SEMA6D: variants seen among roughly 807,000 people sequenced by gnomAD.
The protein encoded by SEMA6D is semaphorin 6D, also known as semaphorin-6D.
Under a neutral mutation model 106.6 loss-of-function variants are expected in SEMA6D, and 35 were observed. The ratio of observed to expected loss-of-function variants is 0.33; its 90% CI spans 0.25 to 0.44. The LOEUF is 0.44. Ranked by LOEUF, SEMA6D falls within the 20% of genes least tolerant of loss-of-function variation. The pLI is 1.00. For synonymous variants in SEMA6D, 499 were observed against 487.7 expected (o/e 1.02, Z -0.31); for missense variants, 1,185 against 1,345.9 (o/e 0.88, Z 1.87).
At chr15:47,758,692 C>T (rs1388711170) in intron 1 of SEMA6D, among the ~76,000 whole-genome samples, 1 of 152,124 alleles carries the variant, frequency 6.6e-6, no homozygotes, top group Non-Finnish European at 1.5e-5. Context: ...TGAAGCATCA[C>T]TTCAATAAAA....
At chr15:47,589,160 G>C (rs142973133) in intron 3 of SEMA6D, among the ~76,000 whole-genome samples, 1 of 152,088 alleles carries the variant, frequency 6.6e-6, no homozygotes, top group Admixed American at 6.6e-5. Context: ...GTCCCCTCCC[G>C]GCAGGCTTCC....
At chr15:47,664,655 T>C (rs2077990865) in intron 4 of SEMA6D, among the ~76,000 whole-genome samples, 1 of 152,218 alleles carries the variant, frequency 6.6e-6, no homozygotes, top group Non-Finnish European at 1.5e-5. Context: ...GGTCCTACTT[T>C]CTGCCTCCCT....
At chr15:47,520,787 G>C (rs78442215) in intron 3 of SEMA6D, among the ~76,000 whole-genome samples, 3,731 of 152,220 alleles carry the variant, frequency 0.025, 156 homozygotes, top group African/African-American at 0.085. Context: ...TACCAGGCAC[G>C]TATGTTGGGG....
In SEMA6D at chr15:47,186,345, A is replaced by T. The variant is rs374988102; in HGVS notation, c.-239+1927A>T. Among the ~76,000 whole-genome samples the T allele has an allele frequency of 9.2e-5, 14 of 152,286 alleles. No homozygotes were observed. In the East Asian group the frequency reaches 1.7e-3, roughly 19 times the overall value. On this transcript the variant is annotated intron_variant, in intron 1 of 19. Coordinates refer to the SEMA6D transcript ENST00000558014. The stretch of plus-strand genomic sequence containing the variant: ...TGTTGAGGGTATGGAAAGCTGTATG[A>T]TTTATTCCAAGGAGAGAAGAGAGAG...
chr15:47,510,570 C>T (rs762353953), intron 3 of SEMA6D, among the ~76,000 whole-genome samples: 6 of 152,212 alleles, frequency 3.9e-5, no homozygotes, highest in Non-Finnish European at 8.8e-5. Flanking sequence ...GGATCTTGGT[C>T]TGAAGGAGTT....
chr15:47,299,500 G>C lies in SEMA6D; in HGVS notation c.-238-112893G>C, dbSNP rs528452746. On this transcript the variant is annotated intron_variant, in intron 1 of 19. Coordinates refer to the SEMA6D transcript ENST00000558014. ...AGGGAAAGTAAAGCTGATCTGCTCG[G>C]CCAATAAACAACAGTTGTTTCAGCA... Among the ~76,000 whole-genome samples the C allele has an allele frequency of 8.9e-4, 135 of 152,282 alleles. 2 individuals are homozygous for C. The highest frequency in any genetic ancestry group is 3.4e-3 in the Middle Eastern group (1 of 294).
chr15:47,549,926 A>G (rs1261899609), intron 3 of SEMA6D, among the ~76,000 whole-genome samples: 1 of 152,174 alleles, frequency 6.6e-6, no homozygotes, highest in East Asian at 1.9e-4. Flanking sequence ...CAATAGTGAC[A>G]AAGGTCATTG....
At chr15:47,263,537 T>TA (rs1260646749) in intron 1 of SEMA6D, among the ~76,000 whole-genome samples, 1 of 151,868 alleles carries the variant, frequency 6.6e-6, no homozygotes, top group African/African-American at 2.4e-5. Context: ...TATTAAAAAG[T>TA]AAAAAAATAA....
intron 2 of SEMA6D, among the ~76,000 whole-genome samples, chr15:47,422,366 C>A (rs16959446): frequency 0.049 from 7,464 of 152,004 alleles, 380 homozygotes; most frequent in East Asian, 0.23. Flanking sequence ...ACAGTTAAAA[C>A]AGATAAGTTT....
At chr15:47,292,558 A>C (rs547993370) in intron 1 of SEMA6D, among the ~76,000 whole-genome samples, 3 of 152,246 alleles carry the variant, frequency 2.0e-5, no homozygotes, top group African/African-American at 7.2e-5. Context: ...TTAACCATGG[A>C]TTTGATGAGC....
At chr15:47,249,906 A>G (rs1305500868) in intron 1 of SEMA6D, among the ~76,000 whole-genome samples, 24 of 152,160 alleles carry the variant, frequency 1.6e-4, no homozygotes, top group Admixed American at 1.6e-3. Flanking sequence ...CTATCAAACA[A>G]TTCTGGGTCA....
At chr15:47,327,744 TTC>T (rs1169187128) in intron 1 of SEMA6D, among the ~76,000 whole-genome samples, 4 of 152,176 alleles carry the variant, frequency 2.6e-5, no homozygotes, top group Non-Finnish European at 5.9e-5. Context: ...GTAGTGGTGC[TTC>T]TCTCTATGGG....
intron 3 of SEMA6D, among the ~76,000 whole-genome samples, chr15:47,501,052 A>G (rs1343714121): frequency 6.6e-6 from 1 of 152,152 alleles, no homozygotes; most frequent in Non-Finnish European, 1.5e-5. Flanking sequence ...ATTTCTAGAA[A>G]AGGCAACAGA....
intron 1 of SEMA6D, among the ~76,000 whole-genome samples, chr15:47,189,438 CTG>C (rs1893805444): frequency 6.6e-6 from 1 of 152,158 alleles, no homozygotes; most frequent in East Asian, 1.9e-4. Context: ...ACCCACAAAA[CTG>C]TACTTTTTGA....
chr15:47,520,416 C>T (rs911577185), intron 3 of SEMA6D, among the ~76,000 whole-genome samples: 1 of 152,114 alleles, frequency 6.6e-6, no homozygotes, highest in Non-Finnish European at 1.5e-5. Context: ...TTCACCACAT[C>T]GCAATTTCTC....
At chr15:47,196,695 G>A (rs1021874910) in intron 1 of SEMA6D, among the ~76,000 whole-genome samples, 7 of 152,152 alleles carry the variant, frequency 4.6e-5, no homozygotes, top group Non-Finnish European at 7.3e-5. Context: ...TTAAATCAGC[G>A]CTAAGCCCTT....
At chr15:47,476,321 A>C (rs1453790602) in intron 3 of SEMA6D, among the ~76,000 whole-genome samples, 1 of 152,200 alleles carries the variant, frequency 6.6e-6, no homozygotes, top group Non-Finnish European at 1.5e-5. Flanking sequence ...TAAGAATCCT[A>C]AGTGAACTTT....
At chr15:47,383,849 C>T (rs1036861386) in intron 1 of SEMA6D, among the ~76,000 whole-genome samples, 1 of 152,174 alleles carries the variant, frequency 6.6e-6, no homozygotes, top group Non-Finnish European at 1.5e-5. Context: ...GAAATTTTAG[C>T]ACACATTCAA....
chr15:47,327,194 GT>G (rs1191820661), intron 1 of SEMA6D, among the ~76,000 whole-genome samples: 2 of 151,906 alleles, frequency 1.3e-5, no homozygotes, highest in Admixed American at 1.3e-4. Flanking sequence ...TATTTAGCCT[GT>G]TTTTTTTCTG....
Sources: gnomAD v4.1 joint callset for allele counts (sites outside exome capture counted in the v4.1 genomes callset) on GRCh38, gnomAD v4.1.1 for gene constraint, MANE v1.5 for transcripts, NCBI Gene and HGNC (gene_info 2026-07-23, HGNC 2026-07-21) for gene names.